The following ATP2B2 variants were observed in gnomAD, a reference collection of about 807,000 sequenced individuals.
The protein encoded by ATP2B2 is plasma membrane calcium-transporting ATPase 2.
Under a neutral mutation model 120.0 loss-of-function variants are expected in ATP2B2, and 15 were observed. The observed-to-expected ratio is 0.12, with a 90% CI of 0.08 to 0.19. The LOEUF (loss-of-function observed/expected upper bound fraction) is 0.19, where lower values mean the gene tolerates loss of function less well. Among genes scored for constraint, ATP2B2 ranks in the 10% least tolerant of loss-of-function variants. The pLI, the probability that ATP2B2 is intolerant of heterozygous loss-of-function variation, is 1.00. For missense variants in ATP2B2, 1,045 were observed against 1,719.8 expected (o/e 0.61, Z 6.94); for synonymous variants, 694 against 700.3 (o/e 0.99, Z 0.14).
At position 10,350,176 on chromosome 3, in the gene ATP2B2, C is replaced by T. The variant is rs540363060; in HGVS notation, c.2340G>A (p.Lys780=). 1.8e-5 allele frequency: 25 copies of T among 1,426,246 alleles called. No homozygotes were observed. In the South Asian group the frequency reaches 2.8e-4, roughly 16 times the overall value. The allele number at this position is 1,426,246 out of a possible 1,614,324, so 88.3% of individuals were successfully genotyped here. A position where few individuals can be genotyped will look rare whatever the true frequency, so the allele number is the denominator to read the frequency against. ...CCAGCACCCGCAGCTTTGGCCAGAT[C>T]TTGTCAATTCGCTCCTGCTCAATCT... The part of the protein sequence containing the change: ...KGEIEQERID[K]IWPKLRVLAR... The change falls in exon 16 of 23, where the codon AAG becomes AAA. Residue 780 remains lysine (K), a synonymous_variant. Coordinates refer to ENST00000360273, the MANE Select transcript of ATP2B2 (RefSeq NM_001001331.4).
At chr3:10,510,330 T>C (rs1345545868), upstream of ATP2B2, among the ~76,000 whole-genome samples, 2 of 152,218 alleles carry the variant, frequency 1.3e-5, no homozygotes, top group African/African-American at 2.4e-5. Context: ...CTATTTTTAT[T>C]CCCATTTTAC....
intron 1 of ATP2B2, among the ~76,000 whole-genome samples, chr3:10,663,251 A>T (rs1317936598): frequency 6.6e-6 from 1 of 151,858 alleles, no homozygotes; most frequent in Admixed American, 6.6e-5. Context: ...TAATAATAAT[A>T]AAAGAAAGTG....
At chr3:10,336,991 T>TG (rs2060133987) in intron 22 of ATP2B2, among the ~76,000 whole-genome samples, 1 of 151,478 alleles carries the variant, frequency 6.6e-6, no homozygotes, top group Non-Finnish European at 1.5e-5. Flanking sequence ...TCCCAGGAGG[T>TG]GGGGGCAGGC....
intron 2 of ATP2B2, among the ~76,000 whole-genome samples, chr3:10,565,789 C>T (rs987322277): frequency 6.6e-6 from 1 of 152,208 alleles, no homozygotes; most frequent in Non-Finnish European, 1.5e-5. Flanking sequence ...AAACGTAATA[C>T]AGTGATTAAG....
At chr3:10,502,226 G>T (rs556906595) in intron 1 of ATP2B2, among the ~76,000 whole-genome samples, 1 of 152,292 alleles carries the variant, frequency 6.6e-6, no homozygotes, top group South Asian at 2.1e-4. Context: ...ACCTGCTCCG[G>T]CTCCTGATCC....
At position 10,522,649 on chromosome 3, in the gene ATP2B2, C is replaced by T. The variant is rs544611091; in HGVS notation, c.-320+11390G>A. Among the ~76,000 whole-genome samples the T allele has an allele frequency of 2.6e-5, 4 of 152,364 alleles. No individual in the cohort carries two copies. The South Asian group carries it at 6.2e-4, about 24-fold the overall frequency. ...CTGAATCCCGAACAGGAGTAGGCCT[C>T]TGAAGGACTCACATCCACACCATCC... is the stretch of plus-strand genomic sequence containing the variant. On this transcript the variant is annotated intron_variant, in intron 3 of 21. Coordinates refer to the ATP2B2 transcript ENST00000646379.
intron 2 of ATP2B2, among the ~76,000 whole-genome samples, chr3:10,578,420 GC>G (rs935633633): frequency 6.6e-6 from 1 of 151,924 alleles, no homozygotes; most frequent in African/African-American, 2.4e-5. Context: ...GGTGGCACGT[GC>G]CTGTAGTCCC....
chr3:10,596,668 T>G (rs1477371496), intron 2 of ATP2B2, among the ~76,000 whole-genome samples: 1 of 152,234 alleles, frequency 6.6e-6, no homozygotes, highest in Non-Finnish European at 1.5e-5. Flanking sequence ...GTGAATTCCT[T>G]GGCGTTTGCT....
chr3:10,668,533 A>C (rs2071008439), intron 1 of ATP2B2, among the ~76,000 whole-genome samples: 1 of 152,172 alleles, frequency 6.6e-6, no homozygotes, highest in Non-Finnish European at 1.5e-5. Context: ...GGGCCTTTGC[A>C]GTAGCTGTTC....
At position 10,324,201 on chromosome 3, in the gene ATP2B2, C is replaced by A. The variant is rs115662371; in HGVS notation, c.*4613G>T. 454 of 152,236 alleles carry A rather than the reference C, an allele frequency of 3.0e-3. 1 individual carries two copies. Among genetic ancestry groups the A allele is most frequent in the Non-Finnish European group, 4.8e-3 (328 of 68,038 alleles). 9.4% of individuals were successfully genotyped at this position (152,236 alleles called of 1,614,324 possible). ...AGCCCCCCAGAGCCCGGGCAGCTTA[C>A]GGAAGCTGGAGGCGGCACCATTCCC... On this transcript the variant is annotated 3_prime_UTR_variant, in exon 23 of 23. Transcript: ENST00000360273.
intron 17 of ATP2B2, 23 bp from the exon 18 acceptor site, chr3:10,345,598 C>G (rs748678121): frequency 6.2e-7 from 1 of 1,611,488 alleles, no homozygotes; most frequent in Non-Finnish European, 8.5e-7. Flanking sequence ...GGACAGGAGG[C>G]TGGGTGGGGT....
chr3:10,476,121 A>G (rs898729012), intron 1 of ATP2B2, among the ~76,000 whole-genome samples: 1 of 150,028 alleles, frequency 6.7e-6, no homozygotes, highest in Non-Finnish European at 1.5e-5. Flanking sequence ...TGTCTGCAAA[A>G]TTCGCATAAT....
intron 5 of ATP2B2, among the ~76,000 whole-genome samples, chr3:10,390,872 C>T (rs1395398316): frequency 6.6e-6 from 1 of 152,202 alleles, no homozygotes; most frequent in Non-Finnish European, 1.5e-5. Context: ...CCACCCTGCT[C>T]TGTCACCCTG....
intron 1 of ATP2B2, among the ~76,000 whole-genome samples, chr3:10,633,402 T>C (rs2069927016): frequency 6.6e-6 from 1 of 152,168 alleles, no homozygotes; most frequent in Non-Finnish European, 1.5e-5. Context: ...ACAATCTGTT[T>C]CTCTTAGAAG....
chr3:10,351,538 G>A (rs1044477826), intron 14 of ATP2B2, among the ~76,000 whole-genome samples: 7 of 152,166 alleles, frequency 4.6e-5, no homozygotes, highest in African/African-American at 1.4e-4. Flanking sequence ...CAGTGACCAG[G>A]AGCGCACTCC....
rs2060551801 is a variant in ATP2B2, at chr3:10,350,594, G to C, written c.2137-17C>G. ...TTCTGGGACCTGGGCAGGAGGGCAGGGGCCATGGGGGAGGGCACCACCTCA... is the reference window on the plus strand; with the variant it reads ...TTCTGGGACCTGGGCAGGAGGGCAGCGGCCATGGGGGAGGGCACCACCTCA... On this transcript the variant is annotated splice_polypyrimidine_tract_variant and intron_variant, in intron 14 of 22. Transcript: ENST00000360273. 6.2e-7 allele frequency: 1 copy of C among 1,607,876 alleles called. No homozygotes were observed. Among genetic ancestry groups the C allele is most frequent in the East Asian group, 2.2e-5 (1 of 44,852 alleles).
chr3:10,643,409 G>A (rs1381558669), intron 1 of ATP2B2, among the ~76,000 whole-genome samples: 1 of 152,156 alleles, frequency 6.6e-6, no homozygotes, highest in Non-Finnish European at 1.5e-5. Context: ...CAAGCCTAGG[G>A]GAAACTTTGT....
intron 2 of ATP2B2, among the ~76,000 whole-genome samples, chr3:10,440,908 T>G (rs2063642454): frequency 6.6e-6 from 1 of 152,130 alleles, no homozygotes; most frequent in East Asian, 1.9e-4. Context: ...TTCACAGGGG[T>G]GATGTGAAGA....
chr3:10,359,787 G>C, intron 13 of ATP2B2, 95 bp downstream of exon 13: 1 of 1,567,770 alleles, frequency 6.4e-7, no homozygotes, highest in South Asian at 1.1e-5. Context: ...TGCTGAGCCT[G>C]GCCTGGATGG....
Sources: allele counts gnomAD v4.1 joint callset (sites outside exome capture counted in the v4.1 genomes callset), GRCh38; gene constraint gnomAD v4.1.1; transcripts MANE v1.5; gene names NCBI Gene and HGNC (gene_info 2026-07-23, HGNC 2026-07-21).